RAD51B: variants seen among roughly 807,000 people sequenced by gnomAD.
RAD51B encodes DNA repair protein RAD51 homolog 2.
A neutral mutation model predicts 42.2 loss-of-function variants in RAD51B; 38 were observed. The ratio of observed to expected loss-of-function variants is 0.90; its 90% confidence interval spans 0.70 to 1.18. RAD51B has a LOEUF of 1.18. RAD51B is among the 50% of genes most tolerant of loss of function. The probability of loss-of-function intolerance (pLI) is 0.00; values close to 1 mark genes in which losing one functional copy is unlikely to be tolerated. For missense variants in RAD51B, 373 were observed against 400.7 expected (o/e 0.93, Z 0.59); for synonymous variants, 154 against 145.2 (o/e 1.06, Z -0.43).
At chr14:68,222,821 G>A (rs973076931) in intron 7 of RAD51B, among the ~76,000 whole-genome samples, 1 of 152,136 alleles carries the variant, frequency 6.6e-6, no homozygotes, top group Non-Finnish European at 1.5e-5. Flanking sequence ...TACCCAAGAG[G>A]TATTTGTTGA....
intron 9 of RAD51B, among the ~76,000 whole-genome samples, chr14:68,427,318 A>G (rs1048515746): frequency 6.6e-6 from 1 of 152,238 alleles, no homozygotes; most frequent in Non-Finnish European, 1.5e-5. Context: ...AGAGCAACCA[A>G]TGTGCAGCCC....
intron 7 of RAD51B, among the ~76,000 whole-genome samples, chr14:68,166,672 A>G (rs2078760623): frequency 6.6e-6 from 1 of 152,140 alleles, no homozygotes; most frequent in Admixed American, 6.6e-5. Context: ...TCCCATTAGC[A>G]CCAGTCTGCG....
intron 10 of RAD51B, among the ~76,000 whole-genome samples, chr14:68,547,131 A>G (rs1257244149): frequency 1.3e-5 from 2 of 152,188 alleles, no homozygotes; most frequent in African/African-American, 4.8e-5. Context: ...GGTGCCTAAC[A>G]AACAGCCCAC....
At chr14:68,184,229 G>T (rs2079110912) in intron 7 of RAD51B, among the ~76,000 whole-genome samples, 1 of 152,026 alleles carries the variant, frequency 6.6e-6, no homozygotes, top group South Asian at 2.1e-4. Context: ...GTTATAGTGA[G>T]ATTTTTTAAA....
chr14:68,164,503 G>A (rs2078709534), intron 7 of RAD51B, among the ~76,000 whole-genome samples: 1 of 152,202 alleles, frequency 6.6e-6, no homozygotes, highest in South Asian at 2.1e-4. Flanking sequence ...TTATTGTTAA[G>A]TTAAAATGAC....
chr14:68,354,706 A>G (rs1016197053), intron 8 of RAD51B, among the ~76,000 whole-genome samples: 3 of 151,936 alleles, frequency 2.0e-5, no homozygotes, highest in African/African-American at 2.4e-5. Flanking sequence ...TGTCTCTACA[A>G]AAGATTTATT....
chr14:68,064,661 C>T (rs1253400955), intron 7 of RAD51B, among the ~76,000 whole-genome samples: 1 of 151,518 alleles, frequency 6.6e-6, no homozygotes, highest in Non-Finnish European at 1.5e-5. Flanking sequence ...TTCTTTTCTT[C>T]CTGTTTTTTC....
intron 10 of RAD51B, among the ~76,000 whole-genome samples, chr14:68,471,438 AATTCG>A (rs2086122295): frequency 6.6e-6 from 1 of 152,090 alleles, no homozygotes; most frequent in Admixed American, 6.5e-5. Context: ...GTGAGGGCAG[AATTCG>A]ATTTACCAGC....
chr14:68,135,878 T>A (rs1011486347), intron 7 of RAD51B, among the ~76,000 whole-genome samples: 19 of 152,184 alleles, frequency 1.2e-4, no homozygotes, highest in Non-Finnish European at 1.5e-5. Context: ...CTGAAGATTC[T>A]AAATATGAGA....
intron 7 of RAD51B, among the ~76,000 whole-genome samples, chr14:68,192,840 G>A (rs1446843576): frequency 6.6e-6 from 1 of 151,954 alleles, no homozygotes; most frequent in African/African-American, 2.4e-5. Flanking sequence ...GTTTGAATAG[G>A]GTCATTTTCT....
At chr14:68,404,144 C>A (rs541915248) in intron 8 of RAD51B, among the ~76,000 whole-genome samples, 85 of 152,244 alleles carry the variant, frequency 5.6e-4, no homozygotes, top group African/African-American at 1.6e-3. Context: ...CAATGAAAAT[C>A]CTCAAAAATG....
At chr14:68,171,001 C>T (rs1464688593) in intron 7 of RAD51B, among the ~76,000 whole-genome samples, 1 of 152,174 alleles carries the variant, frequency 6.6e-6, no homozygotes, top group Non-Finnish European at 1.5e-5. Context: ...CCAGGAGTCC[C>T]TGAAAGGGAA....
intron 10 of RAD51B, among the ~76,000 whole-genome samples, chr14:68,473,500 C>T (rs1882272479): frequency 6.6e-6 from 1 of 152,192 alleles, no homozygotes; most frequent in Non-Finnish European, 1.5e-5. Context: ...TACATCCCCT[C>T]CCTCCATGAC....
At chr14:67,943,943 A>G (rs1212298085) in intron 7 of RAD51B, among the ~76,000 whole-genome samples, 2 of 152,172 alleles carry the variant, frequency 1.3e-5, no homozygotes, top group African/African-American at 4.8e-5. Flanking sequence ...ATTTACATCT[A>G]AGTATATTGT....
chr14:68,480,026 T>A (rs1022687071), downstream of RAD51B, among the ~76,000 whole-genome samples: 3 of 152,008 alleles, frequency 2.0e-5, no homozygotes, highest in Non-Finnish European at 2.9e-5. Context: ...ACATAAAACT[T>A]ACGTTAAATA....
intron 9 of RAD51B, among the ~76,000 whole-genome samples, chr14:68,465,332 A>G (rs2085947990): frequency 6.6e-6 from 1 of 152,108 alleles, no homozygotes; most frequent in Non-Finnish European, 1.5e-5. Flanking sequence ...GGCCCTTATC[A>G]TCTCATCACT....
chr14:68,362,675 C>T (rs1337215388), intron 8 of RAD51B, among the ~76,000 whole-genome samples: 1 of 152,078 alleles, frequency 6.6e-6, no homozygotes, highest in African/African-American at 2.4e-5. Context: ...GGGTGAAACC[C>T]CGTCTCTACT....
At chr14:68,660,791 G>A (rs73287720) in intron 11 of RAD51B, among the ~76,000 whole-genome samples, 2,325 of 152,284 alleles carry the variant, frequency 0.015, 48 homozygotes, top group South Asian at 0.042. Context: ...TTGAAAGATG[G>A]GTAGGAAGAG....
At chr14:68,532,677 T>G (rs985437266) in intron 10 of RAD51B, among the ~76,000 whole-genome samples, 1 of 152,168 alleles carries the variant, frequency 6.6e-6, no homozygotes, top group African/African-American at 2.4e-5. Context: ...CTAACCCTTA[T>G]GTTACACAAA....
Sources: allele counts gnomAD v4.1 joint callset (sites outside exome capture counted in the v4.1 genomes callset), GRCh38; gene constraint gnomAD v4.1.1; transcripts MANE v1.5; gene names NCBI Gene and HGNC (gene_info 2026-07-23, HGNC 2026-07-21).